The following AGBL4 variants were observed in gnomAD, a reference collection of about 807,000 sequenced individuals.
AGBL4 encodes the protein AGBL carboxypeptidase 4, also known as cytosolic carboxypeptidase 6.
Under a neutral mutation model 66.4 loss-of-function variants are expected in AGBL4, and 58 were observed. The observed-to-expected ratio is 0.87, with a 90% CI of 0.71 to 1.09. The LOEUF (loss-of-function observed/expected upper bound fraction) is 1.09, where lower values mean the gene tolerates loss of function less well. Ranked by LOEUF, AGBL4 falls within the 50% of genes least tolerant of loss-of-function variation. The pLI, the probability that AGBL4 is intolerant of heterozygous loss-of-function variation, is 0.00. For missense variants in AGBL4, 579 were observed against 631.0 expected, an observed-to-expected ratio of 0.92 and a Z score of 0.88; for synonymous variants, 234 against 222.9, an observed-to-expected ratio of 1.05 and a Z score of -0.44.
chr1:48,626,641 G>T (rs971628669), intron 9 of AGBL4, among the ~76,000 whole-genome samples: 2 of 151,766 alleles, frequency 1.3e-5, no homozygotes, highest in Admixed American at 6.6e-5. Context: ...GTAAAGTCCC[G>T]GAGAGGGTAA....
intron 6 of AGBL4, among the ~76,000 whole-genome samples, chr1:48,852,837 G>C (rs1464836799): frequency 1.3e-5 from 2 of 152,110 alleles, no homozygotes; most frequent in Non-Finnish European, 2.9e-5. Flanking sequence ...AAAATCCTTG[G>C]AGAAATGAGA....
At chr1:48,624,082 T>C (rs1394631685) in intron 9 of AGBL4, among the ~76,000 whole-genome samples, 1 of 152,178 alleles carries the variant, frequency 6.6e-6, no homozygotes, top group Non-Finnish European at 1.5e-5. Flanking sequence ...GAAGAAAACT[T>C]TAGAATCTGT....
intron 3 of AGBL4, among the ~76,000 whole-genome samples, chr1:49,665,557 T>C (rs141557127): frequency 1.5e-3 from 228 of 152,304 alleles, no homozygotes; most frequent in African/African-American, 5.2e-3. Flanking sequence ...GATATCATTA[T>C]AATCAACAAC....
chr1:49,259,255 G>C (rs1652862932), intron 3 of AGBL4, among the ~76,000 whole-genome samples: 1 of 151,648 alleles, frequency 6.6e-6, no homozygotes, highest in South Asian at 2.1e-4. Flanking sequence ...CAACTAATGA[G>C]CAAAATCACC....
intron 1 of AGBL4, among the ~76,000 whole-genome samples, chr1:49,982,775 G>C (rs1309083963): frequency 6.6e-6 from 1 of 152,140 alleles, no homozygotes; most frequent in African/African-American, 2.4e-5. Flanking sequence ...GTGGAGAGGG[G>C]CTACCCACTC....
intron 2 of AGBL4, among the ~76,000 whole-genome samples, chr1:49,702,920 G>A (rs1303012629): frequency 6.6e-6 from 1 of 151,934 alleles, no homozygotes; most frequent in Non-Finnish European, 1.5e-5. Flanking sequence ...TACTCAAGAT[G>A]AACACAAGGG....
At chr1:48,620,814 A>T (rs1645400501) in intron 9 of AGBL4, among the ~76,000 whole-genome samples, 1 of 152,140 alleles carries the variant, frequency 6.6e-6, no homozygotes, top group African/African-American at 2.4e-5. Context: ...ATAAGTGCTT[A>T]GTGGGTTTTT....
intron 5 of AGBL4, among the ~76,000 whole-genome samples, chr1:48,980,132 C>T (rs576163477): frequency 3.3e-5 from 5 of 152,182 alleles, no homozygotes; most frequent in South Asian, 2.1e-4. Flanking sequence ...AATATAAGTG[C>T]GGCATTGGGC....
chr1:48,620,123 A>C (rs1379436458), intron 9 of AGBL4, among the ~76,000 whole-genome samples: 1 of 152,190 alleles, frequency 6.6e-6, no homozygotes, highest in Admixed American at 6.5e-5. Flanking sequence ...CCTATGAAAG[A>C]AAAGCTTCTG....
chr1:49,386,865 G>A (rs1644746977), intron 3 of AGBL4, among the ~76,000 whole-genome samples: 1 of 151,778 alleles, frequency 6.6e-6, no homozygotes. Context: ...GAGACCTTGG[G>A]CAAGGTTTAT....
chr1:49,303,753 G>A (rs571339278), intron 3 of AGBL4, among the ~76,000 whole-genome samples: 1 of 152,140 alleles, frequency 6.6e-6, no homozygotes, highest in African/African-American at 2.4e-5. Flanking sequence ...TGGGATTAGA[G>A]GCATGAGCCA....
chr1:48,562,410 T>G (rs1209228888), intron 11 of AGBL4, among the ~76,000 whole-genome samples: 1 of 152,164 alleles, frequency 6.6e-6, no homozygotes, highest in African/African-American at 2.4e-5. Context: ...CTCTCTCTTC[T>G]CCTCTTATTG....
intron 5 of AGBL4, among the ~76,000 whole-genome samples, chr1:49,004,166 A>G (rs1210524407): frequency 5.3e-5 from 8 of 152,356 alleles, no homozygotes; most frequent in African/African-American, 1.7e-4. Context: ...TCCTCCAAAT[A>G]AAATGAGAGC....
intron 1 of AGBL4, among the ~76,000 whole-genome samples, chr1:49,970,788 A>G (rs1658018019): frequency 6.6e-6 from 1 of 151,322 alleles, no homozygotes; most frequent in Non-Finnish European, 1.5e-5. Flanking sequence ...GCCCAACATC[A>G]TAAATCATCA....
At chr1:49,338,800 G>A (rs965759447) in intron 3 of AGBL4, among the ~76,000 whole-genome samples, 23 of 152,300 alleles carry the variant, frequency 1.5e-4, no homozygotes, top group Admixed American at 7.2e-4. Context: ...CTCTGAGGGT[G>A]GTGGAGGAAG....
At position 49,230,811 on chromosome 1, in the gene AGBL4, C is replaced by T. The variant is rs1360277687; in HGVS notation, c.377+14959G>A. ...GTTTTATAATGTGCTATTTTGTGAG[C>T]TTATGTTTTTTCCTCCCCACCTCCA... is the stretch of plus-strand genomic sequence containing the variant. On this transcript the variant is annotated intron_variant, in intron 4 of 13. Coordinates refer to ENST00000371839, the MANE Select transcript of AGBL4 (RefSeq NM_032785.4). 7.2e-5 allele frequency among the ~76,000 whole-genome samples: 11 copies of T among 151,998 alleles called. No homozygotes were observed. The East Asian group carries it at 2.1e-3, about 29-fold the overall frequency.
intron 11 of AGBL4, among the ~76,000 whole-genome samples, chr1:48,560,496 T>C (rs1644381393): frequency 6.6e-6 from 1 of 152,182 alleles, no homozygotes; most frequent in South Asian, 2.1e-4. Context: ...CTGGGCTTTC[T>C]GAAGGAAAAT....
At chr1:49,521,726 A>G (rs1168878616) in intron 3 of AGBL4, among the ~76,000 whole-genome samples, 1 of 152,166 alleles carries the variant, frequency 6.6e-6, no homozygotes, top group East Asian at 1.9e-4. Flanking sequence ...AACTAAGAAT[A>G]TCATTTTGAA....
At chr1:49,066,906 C>T (rs933246130) in intron 4 of AGBL4, among the ~76,000 whole-genome samples, 1 of 152,190 alleles carries the variant, frequency 6.6e-6, no homozygotes, top group African/African-American at 2.4e-5. Context: ...TTTCTATTTT[C>T]TGACTCAAAG....
Sources: gnomAD v4.1 joint callset for allele counts (sites outside exome capture counted in the v4.1 genomes callset) on GRCh38, gnomAD v4.1.1 for gene constraint, MANE v1.5 for transcripts, NCBI Gene and HGNC (gene_info 2026-07-23, HGNC 2026-07-21) for gene names.